METTL16: variants seen among roughly 807,000 people sequenced by gnomAD.
METTL16 encodes methyltransferase 16, RNA N6-adenosine.
METTL16 carries 19 observed loss-of-function variants against 57.9 expected under a neutral mutation model. That is an observed-to-expected ratio of 0.33 (90% CI 0.23 to 0.48). The LOEUF is 0.48. Among genes scored for constraint, METTL16 ranks in the 20% least tolerant of loss-of-function variants. The pLI is 0.99. For missense variants in METTL16, 434 were observed against 691.5 expected (o/e 0.63, Z 4.18); for synonymous variants, 246 against 255.6 (o/e 0.96, Z 0.36).
At chr17:2,431,295 C>T (rs946715419) in intron 8 of METTL16, among the ~76,000 whole-genome samples, 1 of 152,152 alleles carries the variant, frequency 6.6e-6, no homozygotes, top group African/African-American at 2.4e-5. Context: ...GTTGTGAAGG[C>T]AGGTTCATTC....
chr17:2,495,794 A>C (rs2067440977), intron 2 of METTL16, among the ~76,000 whole-genome samples: 1 of 150,212 alleles, frequency 6.7e-6, no homozygotes, highest in Non-Finnish European at 1.5e-5. Context: ...TGTGCTGAAA[A>C]TAGCAAGAGA....
chr17:2,496,836 C>T (rs1417723473), intron 2 of METTL16, among the ~76,000 whole-genome samples: 2 of 151,472 alleles, frequency 1.3e-5, no homozygotes, highest in Non-Finnish European at 2.9e-5. Context: ...TGGGTTTGCC[C>T]CCTTCCACCT....
chr17:2,472,359 A>G (rs1346463805), intron 4 of METTL16, among the ~76,000 whole-genome samples: 1 of 152,196 alleles, frequency 6.6e-6, no homozygotes, highest in East Asian at 1.9e-4. Context: ...AGTGCAAAAC[A>G]GTACTCTGGA....
chr17:2,456,930 G>A (rs2067114928), intron 6 of METTL16, among the ~76,000 whole-genome samples: 3 of 150,416 alleles, frequency 2.0e-5, no homozygotes, highest in Admixed American at 2.0e-4. Flanking sequence ...TGGGATTACA[G>A]GCGCATGCAC....
intron 7 of METTL16, among the ~76,000 whole-genome samples, chr17:2,441,141 G>A (rs1202657166): frequency 6.6e-6 from 1 of 152,172 alleles, no homozygotes; most frequent in African/African-American, 2.4e-5. Flanking sequence ...GAATGAAATT[G>A]TGTCTTCAGC....
At chr17:2,438,468 A>G (rs2066923960) in intron 7 of METTL16, among the ~76,000 whole-genome samples, 1 of 152,154 alleles carries the variant, frequency 6.6e-6, no homozygotes, top group African/African-American at 2.4e-5. Context: ...ACAGCTCTTT[A>G]GAGAATTATT....
At chr17:2,421,878 G>C (rs1008590575) in intron 8 of METTL16, among the ~76,000 whole-genome samples, 1 of 152,160 alleles carries the variant, frequency 6.6e-6, no homozygotes, top group Non-Finnish European at 1.5e-5. Flanking sequence ...TAGCTGGGGA[G>C]GGTGACACCG....
chr17:2,447,816 C>T (rs2067020003), intron 6 of METTL16, among the ~76,000 whole-genome samples: 1 of 112,536 alleles, frequency 8.9e-6, no homozygotes, highest in Non-Finnish European at 1.8e-5. Flanking sequence ...GGGGTCAGCC[C>T]CCCGCCTGGC....
At chr17:2,462,934 T>C (rs2067160975) in intron 6 of METTL16, among the ~76,000 whole-genome samples, 1 of 152,234 alleles carries the variant, frequency 6.6e-6, no homozygotes, top group Non-Finnish European at 1.5e-5. Flanking sequence ...AAAGCTCTTT[T>C]AGTTTTTGAA....
At chr17:2,424,116 T>C (rs1260631657) in intron 8 of METTL16, 3 of 29,006 alleles carry the variant, frequency 1.0e-4, no homozygotes, top group Non-Finnish European at 1.3e-4. Flanking sequence ...TATTTTATTA[T>C]TTTATTTTTT....
intron 2 of METTL16, among the ~76,000 whole-genome samples, chr17:2,479,926 C>G (rs1416254068): frequency 2.0e-5 from 3 of 152,118 alleles, no homozygotes; most frequent in Non-Finnish European, 4.4e-5. Flanking sequence ...GTGGCTCACA[C>G]CTGTAATCCT....
At chr17:2,438,450 C>T (rs958648225) in intron 7 of METTL16, among the ~76,000 whole-genome samples, 2 of 152,108 alleles carry the variant, frequency 1.3e-5, no homozygotes, top group Non-Finnish European at 2.9e-5. Context: ...ATATGAAACA[C>T]TGAAAACACA....
chr17:2,467,888 A>G lies in METTL16; in HGVS notation c.470-12T>C. The G allele has an allele frequency of 6.4e-7, 1 of 1,563,760 alleles. No homozygotes were observed. Among genetic ancestry groups the G allele is most frequent in the Non-Finnish European group, 8.8e-7 (1 of 1,134,276 alleles). The stretch of plus-strand genomic sequence containing the variant: ...TGGCACTTTCACCACTAGGAGAAAA[A>G]ACAGGACTGTGAACTAATATTAATG... On this transcript the variant is annotated splice_polypyrimidine_tract_variant and intron_variant, in intron 4 of 9. Coordinates refer to ENST00000263092, the MANE Select transcript of METTL16 (RefSeq NM_024086.4).
chr17:2,434,773 G>C (rs2066897655), intron 8 of METTL16, among the ~76,000 whole-genome samples: 4 of 152,078 alleles, frequency 2.6e-5, no homozygotes, highest in African/African-American at 7.2e-5. Flanking sequence ...TCCTCCATCT[G>C]CTCTCCAAAA....
intron 6 of METTL16, among the ~76,000 whole-genome samples, chr17:2,453,638 G>C (rs954339081): frequency 3.3e-5 from 5 of 152,168 alleles, no homozygotes; most frequent in African/African-American, 1.2e-4. Flanking sequence ...ACCTAAAGGG[G>C]GAAGGGGTGG....
intron 2 of METTL16, among the ~76,000 whole-genome samples, chr17:2,491,343 A>C (rs2067387306): frequency 6.6e-6 from 1 of 152,212 alleles, no homozygotes; most frequent in Non-Finnish European, 1.5e-5. Context: ...ACCACTGATG[A>C]ATACAGTATT....
intron 2 of METTL16, among the ~76,000 whole-genome samples, chr17:2,501,632 G>A (rs1006695437): frequency 2.0e-5 from 3 of 152,154 alleles, no homozygotes; most frequent in Non-Finnish European, 2.9e-5. Context: ...GGCCAAGGTG[G>A]GCGGATCACG....
intron 2 of METTL16, among the ~76,000 whole-genome samples, chr17:2,484,799 C>T (rs2067330117): frequency 6.6e-6 from 1 of 152,074 alleles, no homozygotes; most frequent in African/African-American, 2.4e-5. Flanking sequence ...TGGTGACCAC[C>T]ACTCTAAGTA....
At chr17:2,421,838 C>G (rs1311805544) in intron 8 of METTL16, among the ~76,000 whole-genome samples, 1 of 152,120 alleles carries the variant, frequency 6.6e-6, no homozygotes, top group Admixed American at 6.5e-5. Flanking sequence ...ATGTCGGGAC[C>G]AAGCCGGCGG....
Sources: allele counts gnomAD v4.1 joint callset (sites outside exome capture counted in the v4.1 genomes callset), GRCh38; gene constraint gnomAD v4.1.1; transcripts MANE v1.5; gene names NCBI Gene and HGNC (gene_info 2026-07-23, HGNC 2026-07-21).